The following PTPRM variants were observed in gnomAD, a reference collection of about 807,000 sequenced individuals.
PTPRM encodes receptor-type tyrosine-protein phosphatase mu.
PTPRM carries 47 observed loss-of-function variants against 186.7 expected under a neutral mutation model. That is an observed-to-expected ratio of 0.25 (90% CI 0.20 to 0.32). The LOEUF (loss-of-function observed/expected upper bound fraction) is 0.32, where lower values mean the gene tolerates loss of function less well. Among genes scored for constraint, PTPRM ranks in the 10% least tolerant of loss-of-function variants. PTPRM has a pLI of 1.00. For synonymous variants in PTPRM, 668 were observed against 674.9 expected (o/e 0.99, Z 0.16); for missense variants, 1,494 against 1,865.0 (o/e 0.80, Z 3.66).
At chr18:8,348,718 C>A (rs1286877704) in intron 23 of PTPRM, among the ~76,000 whole-genome samples, 1 of 152,194 alleles carries the variant, frequency 6.6e-6, no homozygotes, top group Non-Finnish European at 1.5e-5. Flanking sequence ...ATCTGCAGGA[C>A]TCCCAAAGGA....
chr18:7,771,016 A>G (rs1169597784), intron 1 of PTPRM, among the ~76,000 whole-genome samples: 1 of 152,228 alleles, frequency 6.6e-6, no homozygotes, highest in African/African-American at 2.4e-5. Context: ...AAGTGATAAG[A>G]ACAGCTTTGT....
chr18:7,671,910 G>A (rs2039225400), intron 1 of PTPRM, among the ~76,000 whole-genome samples: 1 of 152,106 alleles, frequency 6.6e-6, no homozygotes, highest in Admixed American at 6.5e-5. Flanking sequence ...ACTTGGCAAG[G>A]GTAAGAAAGG....
chr18:7,585,024 G>A (rs927463192), intron 1 of PTPRM, among the ~76,000 whole-genome samples: 4 of 152,216 alleles, frequency 2.6e-5, no homozygotes, highest in African/African-American at 9.6e-5. Context: ...GGGAGGGAGA[G>A]AGGAGGTTGC....
chr18:7,917,913 A>G (rs374549121), intron 4 of PTPRM, among the ~76,000 whole-genome samples: 2 of 152,260 alleles, frequency 1.3e-5, no homozygotes, highest in African/African-American at 2.4e-5. Context: ...TAGCTCCAAC[A>G]TAAGAGTGAG....
chr18:8,067,219 G>A (rs1293881585), intron 7 of PTPRM, among the ~76,000 whole-genome samples: 1 of 152,132 alleles, frequency 6.6e-6, no homozygotes, highest in Non-Finnish European at 1.5e-5. Context: ...TAAGGAAAAG[G>A]GCAAAGGGAC....
chr18:7,643,682 T>G (rs371617110), intron 1 of PTPRM, among the ~76,000 whole-genome samples: 15 of 152,254 alleles, frequency 9.9e-5, no homozygotes, highest in East Asian at 3.9e-4. Flanking sequence ...TCTATTTTTT[T>G]GGGGTGATTT....
In PTPRM at chr18:8,211,083, G is replaced by A. The variant is rs573655605; in HGVS notation, c.2301-32975G>A. Among the ~76,000 whole-genome samples the A allele has an allele frequency of 5.3e-5, 8 of 152,304 alleles. No homozygotes were observed. In the East Asian group the frequency reaches 7.7e-4, roughly 15 times the overall value. On this transcript the variant is annotated intron_variant, in intron 14 of 32. Transcript: ENST00000580170. Reference sequence around the variant, plus strand: ...ATAGGATCAAAATCCTCACTGGAACGAGTTCCAGAGAAACTTGGAGAGGAA... The same window carrying A: ...ATAGGATCAAAATCCTCACTGGAACAAGTTCCAGAGAAACTTGGAGAGGAA...
intron 2 of PTPRM, among the ~76,000 whole-genome samples, chr18:7,820,738 C>A (rs1388538983): frequency 1.3e-5 from 2 of 152,130 alleles, no homozygotes; most frequent in Non-Finnish European, 1.5e-5. Flanking sequence ...GGGTGACTTC[C>A]CCGGAAAGCA....
At chr18:7,658,361 C>T (rs201127131) in intron 1 of PTPRM, among the ~76,000 whole-genome samples, 1,408 of 115,664 alleles carry the variant, frequency 0.012, 32 homozygotes, top group African/African-American at 0.043. Flanking sequence ...TATATATATA[C>T]ATACACACAC....
intron 22 of PTPRM, among the ~76,000 whole-genome samples, chr18:8,340,880 C>T (rs910743135): frequency 6.6e-6 from 1 of 152,182 alleles, no homozygotes; most frequent in Non-Finnish European, 1.5e-5. Context: ...TTAAAAAAAT[C>T]TCCACAGTAA....
At chr18:7,981,191 T>C (rs1009555562) in intron 7 of PTPRM, among the ~76,000 whole-genome samples, 1 of 152,054 alleles carries the variant, frequency 6.6e-6, no homozygotes, top group African/African-American at 2.4e-5. Context: ...ACCTTCACTC[T>C]CTACTTAAAT....
At chr18:7,824,105 C>T (rs1191630788) in intron 2 of PTPRM, among the ~76,000 whole-genome samples, 1 of 152,206 alleles carries the variant, frequency 6.6e-6, no homozygotes, top group Non-Finnish European at 1.5e-5. Context: ...TCACTGTCAT[C>T]TCACAGACAA....
rs111245700 is a variant in PTPRM at position 7,699,100 on chromosome 18, C to T, written c.74-75049C>T. On this transcript the variant is annotated intron_variant, in intron 1 of 32. Coordinates refer to ENST00000580170, the MANE Select transcript of PTPRM (RefSeq NM_001105244.2). ...GCAGCATTAGATTCTCATAGGAGCA[C>T]GAACTCTTTTGTGAACTGCGCATAT... Among the ~76,000 whole-genome samples, 496 of 152,182 alleles carry T rather than the reference C, an allele frequency of 3.3e-3. 2 individuals are homozygous for T. Among genetic ancestry groups the T allele is most frequent in the African/African-American group, 0.011 (441 of 41,518 alleles).
At chr18:7,582,278 C>A (rs377407843) in intron 1 of PTPRM, among the ~76,000 whole-genome samples, 1 of 152,174 alleles carries the variant, frequency 6.6e-6, no homozygotes, top group African/African-American at 2.4e-5. Flanking sequence ...TGTCTCTCCT[C>A]GGTGATCTTG....
At chr18:8,063,697 G>T (rs1486233081) in intron 7 of PTPRM, among the ~76,000 whole-genome samples, 3 of 152,050 alleles carry the variant, frequency 2.0e-5, no homozygotes. Flanking sequence ...TGGCGTAGTG[G>T]TGAAGTCTGA....
At chr18:7,724,937 G>A (rs1262084287) in intron 1 of PTPRM, among the ~76,000 whole-genome samples, 1 of 152,172 alleles carries the variant, frequency 6.6e-6, no homozygotes, top group African/African-American at 2.4e-5. Context: ...ACATAAACGG[G>A]TAGTATTTTC....
At chr18:8,126,936 A>G (rs1190254863) in intron 13 of PTPRM, among the ~76,000 whole-genome samples, 6 of 152,084 alleles carry the variant, frequency 3.9e-5, no homozygotes, top group African/African-American at 1.4e-4. Context: ...GTAAGGTGAT[A>G]CAGGCAGAGC....
intron 14 of PTPRM, among the ~76,000 whole-genome samples, chr18:8,150,189 C>T (rs1191002661): frequency 1.3e-5 from 2 of 152,168 alleles, no homozygotes; most frequent in African/African-American, 2.4e-5. Flanking sequence ...GAATGTTAGC[C>T]TGTCTTGCTA....
intron 2 of PTPRM, among the ~76,000 whole-genome samples, chr18:7,886,338 A>G (rs1180290932): frequency 6.6e-6 from 1 of 152,232 alleles, no homozygotes; most frequent in Non-Finnish European, 1.5e-5. Context: ...AATTATTTCA[A>G]TGATACTCTC....
Sources: gnomAD v4.1 joint callset for allele counts (sites outside exome capture counted in the v4.1 genomes callset) on GRCh38, gnomAD v4.1.1 for gene constraint, MANE v1.5 for transcripts, NCBI Gene and HGNC (gene_info 2026-07-23, HGNC 2026-07-21) for gene names.